PPFIA2: variants seen among roughly 807,000 people sequenced by gnomAD.
PPFIA2 encodes the protein liprin-alpha-2.
Under a neutral mutation model 175.5 loss-of-function variants are expected in PPFIA2, and 46 were observed. That is an observed-to-expected ratio of 0.26 (90% CI 0.21 to 0.34). The LOEUF (loss-of-function observed/expected upper bound fraction) is 0.34, where lower values mean the gene tolerates loss of function less well. Among genes scored for constraint, PPFIA2 ranks in the 10% least tolerant of loss-of-function variants. The probability of loss-of-function intolerance (pLI) is 1.00; values close to 1 mark genes in which losing one functional copy is unlikely to be tolerated. For synonymous variants in PPFIA2, 568 were observed against 511.4 expected, an observed-to-expected ratio of 1.11 and a Z score of -1.49; for missense variants, 1,179 against 1,506.1, an observed-to-expected ratio of 0.78 and a Z score of 3.60.
intron 4 of PPFIA2, among the ~76,000 whole-genome samples, chr12:81,614,507 A>G (rs1345045314): frequency 6.6e-6 from 1 of 152,112 alleles, no homozygotes; most frequent in East Asian, 1.9e-4. Flanking sequence ...TTAAGATGAG[A>G]AAGATTATTG....
chr12:81,444,367 A>C (rs60920344), intron 6 of PPFIA2, among the ~76,000 whole-genome samples: 19,264 of 152,174 alleles, frequency 0.13, 1,818 homozygotes, highest in East Asian at 0.35. Flanking sequence ...CCTGACACAT[A>C]CTAAAAATTC....
At chr12:81,313,060 A>G (rs1489027541) in intron 22 of PPFIA2, among the ~76,000 whole-genome samples, 1 of 152,110 alleles carries the variant, frequency 6.6e-6, no homozygotes, top group Non-Finnish European at 1.5e-5. Flanking sequence ...ATATTGGTTC[A>G]CCAATATTAC....
At chr12:81,476,654 T>A (rs1269968263) in intron 4 of PPFIA2, among the ~76,000 whole-genome samples, 1 of 152,150 alleles carries the variant, frequency 6.6e-6, no homozygotes, top group East Asian at 1.9e-4. Context: ...AGTGTGGCAA[T>A]TCCTCAAAGA....
intron 9 of PPFIA2, among the ~76,000 whole-genome samples, chr12:81,379,658 G>A (rs2037197371): frequency 6.6e-6 from 1 of 152,074 alleles, no homozygotes; most frequent in South Asian, 2.1e-4. Context: ...TCTAATTTGA[G>A]TGCTGTGTCT....
chr12:81,555,634 T>C (rs2068721309), intron 4 of PPFIA2, among the ~76,000 whole-genome samples: 1 of 151,996 alleles, frequency 6.6e-6, no homozygotes, highest in Non-Finnish European at 1.5e-5. Flanking sequence ...CCATTTGGGA[T>C]GACAAAGCAC....
chr12:81,640,139 GTC>G (rs1407785306), intron 4 of PPFIA2, among the ~76,000 whole-genome samples: 1 of 152,040 alleles, frequency 6.6e-6, no homozygotes, highest in Admixed American at 6.5e-5. Flanking sequence ...TAAATTTAAT[GTC>G]TGTGTAACAT....
At chr12:81,270,835 T>C (rs1322723554) in intron 28 of PPFIA2, 1 of 152,222 alleles carries the variant, frequency 6.6e-6, no homozygotes, top group Non-Finnish European at 1.5e-5. Flanking sequence ...ACTGAAAACG[T>C]CTGCTACTTT....
At chr12:81,423,118 T>C (rs1566763988) in intron 7 of PPFIA2, among the ~76,000 whole-genome samples, 2 of 151,972 alleles carry the variant, frequency 1.3e-5, no homozygotes, top group East Asian at 1.9e-4. Context: ...AATAAGGGGA[T>C]TGAATCAGTA....
chr12:81,315,950 G>A (rs1195933173), intron 22 of PPFIA2, among the ~76,000 whole-genome samples: 1 of 151,574 alleles, frequency 6.6e-6, no homozygotes, highest in African/African-American at 2.4e-5. Flanking sequence ...ACTACTTAAA[G>A]GAGTTTAAGA....
chr12:81,566,529 T>TGGAAA (rs1567361817), intron 4 of PPFIA2, among the ~76,000 whole-genome samples: 2 of 14,826 alleles, frequency 1.3e-4, no homozygotes, highest in African/African-American at 4.1e-4. Flanking sequence ...AGACTCCAAC[T>TGGAAA]CAAAAAAAAA....
At chr12:81,348,962 C>G (rs1426438577) in intron 17 of PPFIA2, among the ~76,000 whole-genome samples, 1 of 152,086 alleles carries the variant, frequency 6.6e-6, no homozygotes, top group Non-Finnish European at 1.5e-5. Flanking sequence ...CCTGTACCTT[C>G]AAGTTTATGA....
intron 3 of PPFIA2, among the ~76,000 whole-genome samples, chr12:81,697,244 C>T (rs1229831668): frequency 6.6e-6 from 1 of 152,072 alleles, no homozygotes; most frequent in African/African-American, 2.4e-5. Flanking sequence ...TGACATATTT[C>T]TCAGTAAATC....
chr12:81,548,313 A>T (rs907396128), intron 4 of PPFIA2, among the ~76,000 whole-genome samples: 1 of 152,144 alleles, frequency 6.6e-6, no homozygotes, highest in South Asian at 2.1e-4. Context: ...AGGCCTTCCA[A>T]TAATTTTTCT....
chr12:81,511,254 C>A (rs1479100343), intron 4 of PPFIA2, among the ~76,000 whole-genome samples: 1 of 151,860 alleles, frequency 6.6e-6, no homozygotes. Flanking sequence ...TTTGAAAATG[C>A]GTATACAAAG....
At chr12:81,658,939 A>G (rs1416034215) in intron 4 of PPFIA2, among the ~76,000 whole-genome samples, 1 of 152,232 alleles carries the variant, frequency 6.6e-6, no homozygotes, top group Non-Finnish European at 1.5e-5. Context: ...TGCACTTTAA[A>G]TAATTTAACC....
At chr12:81,730,638 G>A (rs1297799094) in intron 3 of PPFIA2, among the ~76,000 whole-genome samples, 1 of 151,532 alleles carries the variant, frequency 6.6e-6, no homozygotes, top group Non-Finnish European at 1.5e-5. Context: ...GGGACACAGA[G>A]CTATTATTTC....
At chr12:81,666,576 A>G (rs560157457) in intron 4 of PPFIA2, among the ~76,000 whole-genome samples, 1 of 152,230 alleles carries the variant, frequency 6.6e-6, no homozygotes, top group Non-Finnish European at 1.5e-5. Context: ...ACACATGGAC[A>G]CAGGAAGGGG....
intron 4 of PPFIA2, among the ~76,000 whole-genome samples, chr12:81,562,471 A>C (rs2153395260): frequency 6.6e-6 from 1 of 152,308 alleles, no homozygotes; most frequent in Non-Finnish European, 1.5e-5. Flanking sequence ...AAAACATTGA[A>C]AACTTATATA....
At chr12:81,712,911 A>C (rs1357326576) in intron 3 of PPFIA2, among the ~76,000 whole-genome samples, 1 of 151,148 alleles carries the variant, frequency 6.6e-6, no homozygotes, top group Non-Finnish European at 1.5e-5. Context: ...TGGTGTGACT[A>C]GAGTCTCACT....
Sources: allele counts gnomAD v4.1 joint callset (sites outside exome capture counted in the v4.1 genomes callset), GRCh38; gene constraint gnomAD v4.1.1; transcripts MANE v1.5; gene names NCBI Gene and HGNC (gene_info 2026-07-23, HGNC 2026-07-21).